Variants in FBXL17 observed in about 807,000 individuals in gnomAD.
The protein encoded by FBXL17 is F-box/LRR-repeat protein 17.
FBXL17 carries 22 observed loss-of-function variants against 66.2 expected under a neutral mutation model. The ratio of observed to expected loss-of-function variants is 0.33; its 90% CI spans 0.24 to 0.47. FBXL17 has a LOEUF of 0.47. FBXL17 is among the 20% of genes least tolerant of loss of function. FBXL17 has a pLI of 1.00. For missense variants in FBXL17, 878 were observed against 948.2 expected, an observed-to-expected ratio of 0.93 and a Z score of 0.97; for synonymous variants, 474 against 400.5, an observed-to-expected ratio of 1.18 and a Z score of -2.19.
intron 5 of FBXL17, among the ~76,000 whole-genome samples, chr5:108,201,533 A>G (rs1469666768): frequency 6.6e-6 from 1 of 152,158 alleles, no homozygotes; most frequent in African/African-American, 2.4e-5. Flanking sequence ...AAATGTTTTA[A>G]ATTAATGTTT....
intron 6 of FBXL17, among the ~76,000 whole-genome samples, chr5:108,176,035 TTAAGAA>T (rs1339630607): frequency 2.0e-5 from 3 of 152,162 alleles, no homozygotes; most frequent in African/African-American, 7.2e-5. Context: ...GTTTGGTGAA[TTAAGAA>T]TAAGACAACT....
chr5:108,343,848 T>C (rs1261792577), intron 4 of FBXL17, among the ~76,000 whole-genome samples: 1 of 152,100 alleles, frequency 6.6e-6, no homozygotes, highest in African/African-American at 2.4e-5. Context: ...CAATTCAAAT[T>C]AGTAAACTGC....
At chr5:107,961,312 C>T (rs1429061277) in intron 7 of FBXL17, among the ~76,000 whole-genome samples, 1 of 151,686 alleles carries the variant, frequency 6.6e-6, no homozygotes, top group Non-Finnish European at 1.5e-5. Flanking sequence ...GCAGCCTTGA[C>T]CTCCCAGGCT....
intron 4 of FBXL17, among the ~76,000 whole-genome samples, chr5:108,316,493 C>T (rs1580803090): frequency 2.6e-5 from 4 of 151,306 alleles, no homozygotes; most frequent in Admixed American, 2.0e-4. Flanking sequence ...AACCTTAACA[C>T]GGCAGGCACT....
At chr5:108,113,919 T>C (rs747484134) in intron 6 of FBXL17, among the ~76,000 whole-genome samples, 41 of 152,254 alleles carry the variant, frequency 2.7e-4, no homozygotes, top group Non-Finnish European at 4.6e-4. Context: ...GCATCAGAAT[T>C]AAGGCATAAT....
At chr5:108,050,281 G>GGCA (rs1747420143) in intron 6 of FBXL17, among the ~76,000 whole-genome samples, 1 of 152,108 alleles carries the variant, frequency 6.6e-6, no homozygotes, top group Non-Finnish European at 1.5e-5. Context: ...AGTGCCACAT[G>GGCA]GCACTTATTC....
chr5:107,877,300 AG>A (rs1748643357), intron 8 of FBXL17, among the ~76,000 whole-genome samples: 1 of 152,212 alleles, frequency 6.6e-6, no homozygotes, highest in South Asian at 2.1e-4. Context: ...ACTGCAGTTT[AG>A]CTTAGCCCTT....
intron 6 of FBXL17, among the ~76,000 whole-genome samples, chr5:108,183,557 T>C (rs993841847): frequency 2.0e-5 from 3 of 152,188 alleles, no homozygotes; most frequent in African/African-American, 7.2e-5. Context: ...TTTATTTGAA[T>C]TTTCTTTTTC....
intron 5 of FBXL17, among the ~76,000 whole-genome samples, chr5:108,188,727 C>A (rs1753339461): frequency 6.6e-6 from 1 of 152,176 alleles, no homozygotes; most frequent in Admixed American, 6.5e-5. Context: ...GTTCACCTTA[C>A]TGAAATAATT....
intron 7 of FBXL17, among the ~76,000 whole-genome samples, chr5:108,017,774 T>C (rs1259376934): frequency 6.6e-6 from 1 of 152,210 alleles, no homozygotes. Context: ...CTGTATTTTC[T>C]ATTTAGCTGT....
intron 6 of FBXL17, among the ~76,000 whole-genome samples, chr5:108,127,252 G>C (rs1750758514): frequency 6.6e-6 from 1 of 152,150 alleles, no homozygotes; most frequent in Admixed American, 6.6e-5. Context: ...CACTATAGTA[G>C]AAATTAAGGC....
intron 5 of FBXL17, among the ~76,000 whole-genome samples, chr5:108,221,519 C>T (rs1561472521): frequency 6.6e-6 from 1 of 152,096 alleles, no homozygotes. Context: ...ATGCTCTTTG[C>T]CTCTCTCTTA....
intron 7 of FBXL17, among the ~76,000 whole-genome samples, chr5:107,916,792 A>T (rs564310766): frequency 1.3e-5 from 2 of 152,188 alleles, no homozygotes; most frequent in South Asian, 4.1e-4. Context: ...CCACAAAATA[A>T]TGTACATAGT....
intron 4 of FBXL17, among the ~76,000 whole-genome samples, chr5:108,279,934 A>C (rs532431112): frequency 2.0e-5 from 3 of 152,058 alleles, no homozygotes; most frequent in Non-Finnish European, 4.4e-5. Flanking sequence ...CAAAGAAAAA[A>C]ATTAAAAAAG....
chr5:108,228,260 G>C (rs1755182685), intron 4 of FBXL17, among the ~76,000 whole-genome samples: 3 of 152,088 alleles, frequency 2.0e-5, no homozygotes, highest in Admixed American at 6.6e-5. Context: ...TTGAAGATTT[G>C]GGTGGCATCC....
intron 6 of FBXL17, among the ~76,000 whole-genome samples, chr5:108,087,936 G>A (rs1037336106): frequency 7.9e-5 from 12 of 152,054 alleles, no homozygotes; most frequent in Middle Eastern, 3.4e-3. Flanking sequence ...CACCAGTTTC[G>A]CTTTTTTTAA....
chr5:108,094,716 G>C (rs1350713748), intron 6 of FBXL17, among the ~76,000 whole-genome samples: 1 of 151,954 alleles, frequency 6.6e-6, no homozygotes, highest in Non-Finnish European at 1.5e-5. Context: ...GGCCCCCATA[G>C]TCTGCTCTAA....
intron 4 of FBXL17, among the ~76,000 whole-genome samples, chr5:108,293,516 T>C (rs540297935): frequency 2.6e-5 from 4 of 152,294 alleles, no homozygotes; most frequent in Admixed American, 2.0e-4. Context: ...GGGGATCATA[T>C]ACAATTTCCA....
chr5:107,960,781 T>C (rs1237067649), intron 7 of FBXL17, among the ~76,000 whole-genome samples: 5 of 152,200 alleles, frequency 3.3e-5, no homozygotes, highest in African/African-American at 4.8e-5. Flanking sequence ...ACTGTAACAT[T>C]TATTGAATAC....
Sources: allele counts gnomAD v4.1 joint callset (sites outside exome capture counted in the v4.1 genomes callset), GRCh38; gene constraint gnomAD v4.1.1; transcripts MANE v1.5; gene names NCBI Gene and HGNC (gene_info 2026-07-23, HGNC 2026-07-21).